Variants in NRG3 observed in about 807,000 individuals in gnomAD.
The protein encoded by NRG3 is pro-neuregulin-3, membrane-bound isoform.
NRG3 carries 31 observed loss-of-function variants against 66.9 expected under a neutral mutation model. That is an observed-to-expected ratio of 0.46 (90% CI 0.35 to 0.63). The LOEUF (loss-of-function observed/expected upper bound fraction) is 0.63. Among genes scored for constraint, NRG3 ranks in the 20% least tolerant of loss-of-function variants. The probability of loss-of-function intolerance (pLI) is 0.00; values close to 1 mark genes in which losing one functional copy is unlikely to be tolerated. For synonymous variants in NRG3, 393 were observed against 359.4 expected, an observed-to-expected ratio of 1.09 and a Z score of -1.06; for missense variants, 910 against 878.9, an observed-to-expected ratio of 1.04 and a Z score of -0.45.
intron 1 of NRG3, among the ~76,000 whole-genome samples, chr10:81,921,641 C>T (rs1846264093): frequency 6.6e-6 from 1 of 151,942 alleles, no homozygotes; most frequent in Non-Finnish European, 1.5e-5. Context: ...ATAAAGGATC[C>T]AGTGTGTAAT....
At chr10:82,958,878 G>A (rs928353600) in intron 5 of NRG3, 71 bp from the exon 6 acceptor site, 64 of 1,460,628 alleles carry the variant, frequency 4.4e-5, no homozygotes, top group Non-Finnish European at 5.7e-5. Flanking sequence ...CACTGGGAAT[G>A]AATGAGACCC....
At chr10:82,958,405 C>CAAAG (rs1850284479) in intron 5 of NRG3, among the ~76,000 whole-genome samples, 1 of 152,104 alleles carries the variant, frequency 6.6e-6, no homozygotes, top group Admixed American at 6.5e-5. Flanking sequence ...ATAACTAGCT[C>CAAAG]TTTAAGAGTT....
At chr10:82,823,915 T>C (rs1448457357) in intron 3 of NRG3, among the ~76,000 whole-genome samples, 1 of 152,124 alleles carries the variant, frequency 6.6e-6, no homozygotes, top group African/African-American at 2.4e-5. Flanking sequence ...ACATAAAAAG[T>C]TCTTCAAACA....
At chr10:82,840,991 A>C (rs768290655) in intron 3 of NRG3, among the ~76,000 whole-genome samples, 1 of 152,104 alleles carries the variant, frequency 6.6e-6, no homozygotes, top group Non-Finnish European at 1.5e-5. Context: ...AGATGTAACC[A>C]AGTTAAGGTG....
intron 2 of NRG3, among the ~76,000 whole-genome samples, chr10:82,617,664 G>A (rs183095380): frequency 8.5e-4 from 130 of 152,206 alleles, no homozygotes; most frequent in Middle Eastern, 3.4e-3. Context: ...GTCAAAATGA[G>A]CACCTTGTAC....
At chr10:82,490,766 CTCTCA>C (rs1843025377) in intron 2 of NRG3, among the ~76,000 whole-genome samples, 1 of 152,254 alleles carries the variant, frequency 6.6e-6, no homozygotes, top group South Asian at 2.1e-4. Flanking sequence ...CCAGCTGCCT[CTCTCA>C]TCTCAAGAAT....
intron 1 of NRG3, among the ~76,000 whole-genome samples, chr10:81,976,082 TATAAG>T (rs1376930194): frequency 6.6e-6 from 1 of 152,196 alleles, no homozygotes; most frequent in Non-Finnish European, 1.5e-5. Flanking sequence ...CCTTCAGAAA[TATAAG>T]ATATTTGTAT....
At chr10:82,968,047 G>A (rs928386084) in intron 6 of NRG3, among the ~76,000 whole-genome samples, 6 of 152,182 alleles carry the variant, frequency 3.9e-5, no homozygotes, top group Middle Eastern at 3.2e-3. Flanking sequence ...GATTTAAGGT[G>A]GCAGTGTGCC....
intron 2 of NRG3, among the ~76,000 whole-genome samples, chr10:82,704,089 G>T (rs1278245638): frequency 6.6e-6 from 1 of 151,874 alleles, no homozygotes; most frequent in African/African-American, 2.4e-5. Context: ...GAAAAAAAAA[G>T]ACCTACAAAA....
chr10:82,914,374 G>C (rs1245880474), intron 4 of NRG3, among the ~76,000 whole-genome samples: 3 of 151,878 alleles, frequency 2.0e-5, no homozygotes, highest in Non-Finnish European at 4.4e-5. Flanking sequence ...TGAAAAGCTA[G>C]ACATGACATA....
chr10:82,129,807 C>T (rs2068693566), intron 1 of NRG3, among the ~76,000 whole-genome samples: 1 of 151,980 alleles, frequency 6.6e-6, no homozygotes, highest in South Asian at 2.1e-4. Context: ...GTGATCCTCC[C>T]ACCTCTGCCT....
chr10:82,784,176 TC>T (rs1217373705), intron 3 of NRG3, among the ~76,000 whole-genome samples: 1 of 152,094 alleles, frequency 6.6e-6, no homozygotes, highest in Non-Finnish European at 1.5e-5. Flanking sequence ...TGAAACTGGA[TC>T]CCTTTCTTAC....
intron 1 of NRG3, among the ~76,000 whole-genome samples, chr10:81,982,765 AT>A (rs1275758502): frequency 2.6e-5 from 4 of 152,184 alleles, no homozygotes; most frequent in Admixed American, 2.6e-4. Context: ...TAAGAGCCTC[AT>A]TTTTACTTAA....
chr10:82,152,361 C>T (rs148639848), intron 1 of NRG3, among the ~76,000 whole-genome samples: 3 of 152,278 alleles, frequency 2.0e-5, no homozygotes, highest in Non-Finnish European at 4.4e-5. Context: ...CCATATGCTA[C>T]ATCTGACAAA....
At chr10:82,139,910 G>T (rs2069645071) in intron 1 of NRG3, among the ~76,000 whole-genome samples, 1 of 37,764 alleles carries the variant, frequency 2.6e-5, no homozygotes, top group Non-Finnish European at 5.5e-5. Flanking sequence ...TGAATCACCA[G>T]ATTTGTTAGT....
chr10:82,059,683 C>G (rs2064032965), intron 1 of NRG3, among the ~76,000 whole-genome samples: 1 of 152,140 alleles, frequency 6.6e-6, no homozygotes, highest in Admixed American at 6.5e-5. Flanking sequence ...CAGTGCCTCT[C>G]AGCTGGTCTT....
intron 1 of NRG3, among the ~76,000 whole-genome samples, chr10:81,923,630 A>G (rs959806840): frequency 1.3e-5 from 2 of 152,094 alleles, no homozygotes; most frequent in Non-Finnish European, 2.9e-5. Context: ...ACACTTGGAA[A>G]TTCTTCCTCC....
intron 2 of NRG3, among the ~76,000 whole-genome samples, chr10:82,411,358 T>C (rs1376403338): frequency 6.6e-6 from 1 of 152,184 alleles, no homozygotes; most frequent in Non-Finnish European, 1.5e-5. Flanking sequence ...TGTTTGTTTT[T>C]GTCTACCTTA....
At chr10:82,295,530 A>T (rs1317520404) in intron 1 of NRG3, among the ~76,000 whole-genome samples, 1 of 151,940 alleles carries the variant, frequency 6.6e-6, no homozygotes, top group Non-Finnish European at 1.5e-5. Flanking sequence ...AATCTGAGGG[A>T]CTCTGTCATG....
Sources: allele counts gnomAD v4.1 joint callset (sites outside exome capture counted in the v4.1 genomes callset), GRCh38; gene constraint gnomAD v4.1.1; transcripts MANE v1.5; gene names NCBI Gene and HGNC (gene_info 2026-07-23, HGNC 2026-07-21).